Variants in NIPBL observed in about 807,000 individuals in gnomAD.
The protein encoded by NIPBL is nipped-B-like protein.
A neutral mutation model predicts 321.8 loss-of-function variants in NIPBL; 19 were observed. The ratio of observed to expected loss-of-function variants is 0.06; its 90% CI spans 0.04 to 0.09. NIPBL has a LOEUF of 0.09. NIPBL is among the 10% of genes least tolerant of loss of function. The pLI, the probability that NIPBL is intolerant of heterozygous loss-of-function variation, is 1.00. For synonymous variants in NIPBL, 1,106 were observed against 1,114.1 expected, an observed-to-expected ratio of 0.99 and a Z score of 0.14; for missense variants, 2,210 against 3,327.0, an observed-to-expected ratio of 0.66 and a Z score of 8.26.
In NIPBL at chr5:36,944,759, AT is replaced by A. The variant is rs562668954; in HGVS notation, c.-79-8854del. The stretch of plus-strand genomic sequence containing the variant: ...CTAGTAAAAAAAAAACCAAAGCTGA[AT>A]TTTTAATTTTCTCACTTATTTACAT... On this transcript the variant is annotated intron_variant, in intron 1 of 46. Coordinates refer to ENST00000282516, the MANE Select transcript of NIPBL (RefSeq NM_133433.4). Among the ~76,000 whole-genome samples the A allele has an allele frequency of 8.3e-4, 126 of 152,190 alleles. 1 individual carries two copies. The highest frequency in any genetic ancestry group is 8.1e-3 in the South Asian group (39 of 4,834).
At chr5:37,059,252 A>G (rs1434451781) in intron 44 of NIPBL, 87 bp downstream of exon 44, 2 of 1,447,036 alleles carry the variant, frequency 1.4e-6, no homozygotes, top group South Asian at 1.2e-5. Flanking sequence ...CATGCCTGTA[A>G]TCCCAACATT....
intron 12 of NIPBL, 105 bp downstream of exon 12, chr5:37,000,675 C>A: frequency 7.5e-7 from 1 of 1,335,556 alleles, no homozygotes; most frequent in Non-Finnish European, 1.1e-6. Context: ...AACTAATTTT[C>A]AATTAAGACA....
chr5:36,878,067 G>A (rs556546652), intron 1 of NIPBL, among the ~76,000 whole-genome samples: 248 of 152,328 alleles, frequency 1.6e-3, no homozygotes, highest in African/African-American at 5.5e-3. Context: ...ACGTGTAGGA[G>A]CATACAAAGA....
At chr5:37,033,728 A>AT (rs1423279625) in intron 32 of NIPBL, among the ~76,000 whole-genome samples, 75 of 48,386 alleles carry the variant, frequency 1.6e-3, no homozygotes, top group African/African-American at 3.1e-3. Flanking sequence ...ATATATATAT[A>AT]TATTTTTTTT....
At chr5:36,975,716 C>A in intron 8 of NIPBL, 60 bp from the exon 9 acceptor site, 1 of 1,492,404 alleles carries the variant, frequency 6.7e-7, no homozygotes, top group Non-Finnish European at 9.3e-7. Flanking sequence ...ATATTTCTAT[C>A]ACATTGTAAG....
At chr5:36,971,791 T>C in intron 7 of NIPBL, 154 bp from the exon 8 acceptor site, 1 of 979,980 alleles carries the variant, frequency 1.0e-6, no homozygotes, top group Non-Finnish European at 1.2e-6. Flanking sequence ...TTCTAAGATA[T>C]ACCAAGAAGA....
intron 20 of NIPBL, among the ~76,000 whole-genome samples, chr5:37,009,591 A>G (rs1480559491): frequency 6.6e-6 from 1 of 152,230 alleles, no homozygotes; most frequent in Non-Finnish European, 1.5e-5. Context: ...CACATAAAAG[A>G]ATCCTTAGAT....
At chr5:37,054,258 T>G (rs909170066) in intron 42 of NIPBL, among the ~76,000 whole-genome samples, 2 of 151,834 alleles carry the variant, frequency 1.3e-5, no homozygotes, top group Admixed American at 1.3e-4. Flanking sequence ...TGACAGCAGA[T>G]TTTTGCAATA....
At chr5:37,023,902 A>G (rs1749958756) in intron 29 of NIPBL, among the ~76,000 whole-genome samples, 1 of 152,012 alleles carries the variant, frequency 6.6e-6, no homozygotes, top group Non-Finnish European at 1.5e-5. Context: ...GCAGTGCCTC[A>G]TGCCTGTAAT....
At chr5:37,027,474 G>GGT in intron 32 of NIPBL, 62 bp downstream of exon 32, 2 of 935,172 alleles carry the variant, frequency 2.1e-6, no homozygotes, top group Non-Finnish European at 3.2e-6. Flanking sequence ...TGTTGTTGGT[G>GGT]TTTTTTTTTT....
At chr5:36,898,859 T>G (rs994220524) in intron 1 of NIPBL, among the ~76,000 whole-genome samples, 2 of 152,222 alleles carry the variant, frequency 1.3e-5, no homozygotes, top group Non-Finnish European at 2.9e-5. Context: ...AAATTTAGTC[T>G]TTAACTTTTA....
rs1299371311 is a variant in NIPBL at position 37,033,726 on chromosome 5, A to ATTTTT, written c.5863-2652_5863-2651insTTTTT. Among the ~76,000 whole-genome samples the ATTTTT allele has an allele frequency of 4.8e-3, 377 of 78,906 alleles. 7 individuals carry two copies. The highest frequency in any genetic ancestry group is 6.7e-3 in the Non-Finnish European group (284 of 42,166). The allele number at this position is 78,906 out of a possible 152,430, so 51.8% of individuals were successfully genotyped here. A position where few individuals can be genotyped will look rare whatever the true frequency, so the allele number is the denominator to read the frequency against. On this transcript the variant is annotated intron_variant, in intron 32 of 46. Coordinates refer to ENST00000282516, the MANE Select transcript of NIPBL (RefSeq NM_133433.4). ...CACACATATATATATATATATATAT[A>ATTTTT]TATATTTTTTTTTTTTTTTTTTTTA...
intron 38 of NIPBL, 78 bp downstream of exon 38, chr5:37,046,277 G>A: frequency 1.2e-6 from 1 of 845,184 alleles, no homozygotes. Context: ...AATCTAAATT[G>A]TTGATTTACT....
At chr5:36,931,079 G>C (rs914753581) in intron 1 of NIPBL, among the ~76,000 whole-genome samples, 3 of 152,078 alleles carry the variant, frequency 2.0e-5, no homozygotes, top group African/African-American at 7.2e-5. Context: ...GTTTATAAAA[G>C]TTTGCTATTC....
chr5:37,041,336 T>C (rs1232707831), intron 34 of NIPBL, among the ~76,000 whole-genome samples: 1 of 140,216 alleles, frequency 7.1e-6, no homozygotes, highest in Non-Finnish European at 1.5e-5. Flanking sequence ...CAATCTTGGC[T>C]CACTGCAACC....
At chr5:37,023,291 A>G (rs565256103) in intron 29 of NIPBL, among the ~76,000 whole-genome samples, 6 of 152,326 alleles carry the variant, frequency 3.9e-5, no homozygotes, top group African/African-American at 1.4e-4. Flanking sequence ...ATAAACTCTG[A>G]TATTTGTAAC....
intron 1 of NIPBL, among the ~76,000 whole-genome samples, chr5:36,945,621 G>GT (rs1251665007): frequency 1.3e-5 from 2 of 152,172 alleles, no homozygotes; most frequent in Admixed American, 1.3e-4. Context: ...AGCAAAGCAA[G>GT]TGTCTGAAGA....
rs1745085976 is a variant in NIPBL, at chr5:36,876,822, T to TTCCCCCCGCCC, written c.-428_-418dup. On this transcript the variant is annotated 5_prime_UTR_variant, in exon 1 of 47. Transcript: ENST00000282516. ...GAGAGAGAGACACACACAGGGCTCCTTCCCCCCGCCCTCCCCCCCCTCCCT... is the reference window on the plus strand; with the variant it reads ...GAGAGAGAGACACACACAGGGCTCCTTCCCCCCGCCCTCCCCCCGCCCTCCCCCCCCTCCCT... 5 of 372,280 alleles carry TTCCCCCCGCCC rather than the reference T, an allele frequency of 1.3e-5. No individual in the cohort carries two copies. The highest frequency in any genetic ancestry group is 4.3e-5 in the African/African-American group (2 of 46,416). The allele number at this position is 372,280 out of a possible 1,614,324, so 23.1% of individuals were successfully genotyped here.
At chr5:36,982,080 G>A (rs1744212961) in intron 9 of NIPBL, 3 of 246,428 alleles carry the variant, frequency 1.2e-5, no homozygotes, top group Non-Finnish European at 1.9e-5. Flanking sequence ...TGTAAGGGCT[G>A]CATCTTATTT....
Sources: gnomAD v4.1 joint callset for allele counts (sites outside exome capture counted in the v4.1 genomes callset) on GRCh38, gnomAD v4.1.1 for gene constraint, MANE v1.5 for transcripts, NCBI Gene and HGNC (gene_info 2026-07-23, HGNC 2026-07-21) for gene names.